EBPL: variants seen among roughly 807,000 people sequenced by gnomAD.
The protein encoded by EBPL is EBP like, also known as emopamil-binding protein-like.
Under a neutral mutation model 19.0 loss-of-function variants are expected in EBPL, and 20 were observed. The ratio of observed to expected loss-of-function variants is 1.05; its 90% CI spans 0.74 to 1.53. The LOEUF is 1.53. EBPL is among the 40% of genes most tolerant of loss of function. EBPL has a pLI of 0.00. For synonymous variants in EBPL, 107 were observed against 117.0 expected, an observed-to-expected ratio of 0.91 and a Z score of 0.55; for missense variants, 219 against 261.1, an observed-to-expected ratio of 0.84 and a Z score of 1.11.
intron 1 of EBPL, among the ~76,000 whole-genome samples, chr13:49,675,866 TTTG>T (rs1327574233): frequency 1.4e-5 from 2 of 142,480 alleles, no homozygotes; most frequent in Non-Finnish European, 3.1e-5. Context: ...GTTATTTTCC[TTTG>T]TTGTTATTGT....
At chr13:49,682,906 T>C (rs1953956901) in intron 1 of EBPL, among the ~76,000 whole-genome samples, 1 of 152,136 alleles carries the variant, frequency 6.6e-6, no homozygotes, top group Admixed American at 6.5e-5. Context: ...CCCAGGCTCC[T>C]TGGATGATGG....
At chr13:49,689,715 C>A (rs1050865518) in intron 1 of EBPL, among the ~76,000 whole-genome samples, 1 of 152,174 alleles carries the variant, frequency 6.6e-6, no homozygotes, top group African/African-American at 2.4e-5. Context: ...ATATGTTACA[C>A]AGTTTTCTCT....
At chr13:49,661,797 G>A in intron 3 of EBPL, 1 of 1,527,874 alleles carries the variant, frequency 6.5e-7, no homozygotes, top group Non-Finnish European at 8.8e-7. Context: ...AAAATTGGGT[G>A]GGGAAGGAAG....
At chr13:49,671,224 G>A (rs187874859) in intron 1 of EBPL, among the ~76,000 whole-genome samples, 23 of 152,278 alleles carry the variant, frequency 1.5e-4, no homozygotes, top group African/African-American at 5.3e-4. Context: ...TGCAACCTAC[G>A]CCTCCCGGGT....
chr13:49,681,953 A>G (rs1953947392), intron 1 of EBPL, among the ~76,000 whole-genome samples: 1 of 152,244 alleles, frequency 6.6e-6, no homozygotes, highest in African/African-American at 2.4e-5. Flanking sequence ...TAGCATTTGC[A>G]AATCTGACTC....
intron 1 of EBPL, among the ~76,000 whole-genome samples, chr13:49,687,233 T>C (rs565827154): frequency 1.3e-5 from 2 of 152,238 alleles, no homozygotes; most frequent in East Asian, 3.9e-4. Flanking sequence ...CCACCCCCAA[T>C]CTACAAGTGG....
chr13:49,686,360 CT>C, intron 1 of EBPL: 1 of 1,122,850 alleles, frequency 8.9e-7, no homozygotes, highest in Non-Finnish European at 1.1e-6. Flanking sequence ...TCCTGCAGGG[CT>C]TTCATCTACT....
chr13:49,677,099 C>T (rs1439896663), intron 1 of EBPL, among the ~76,000 whole-genome samples: 1 of 152,142 alleles, frequency 6.6e-6, no homozygotes, highest in Non-Finnish European at 1.5e-5. Flanking sequence ...CATCCTTTTC[C>T]GGGAAGGGGC....
intron 1 of EBPL, among the ~76,000 whole-genome samples, chr13:49,682,111 C>T (rs2137506693): frequency 6.6e-6 from 1 of 152,306 alleles, no homozygotes; most frequent in Admixed American, 6.5e-5. Flanking sequence ...TGCCCAGCTG[C>T]TGCCCGCTTA....
chr13:49,669,638 T>G, intron 2 of EBPL, 139 bp downstream of exon 2: 1 of 689,778 alleles, frequency 1.4e-6, no homozygotes, highest in South Asian at 2.0e-5. Context: ...ACCAGTAATC[T>G]ACAGTATCTC....
chr13:49,662,478 T>C (rs1352032016), intron 3 of EBPL, among the ~76,000 whole-genome samples: 4 of 152,240 alleles, frequency 2.6e-5, no homozygotes, highest in East Asian at 1.9e-4. Flanking sequence ...CTCCAAAGTA[T>C]TGGTGGCAAA....
chr13:49,679,908 T>A (rs938653926), intron 1 of EBPL, among the ~76,000 whole-genome samples: 1 of 152,206 alleles, frequency 6.6e-6, no homozygotes, highest in African/African-American at 2.4e-5. Flanking sequence ...AGTCAATATA[T>A]GTCTAGTGAA....
At chr13:49,664,037 A>G (rs1965189959) in intron 2 of EBPL, among the ~76,000 whole-genome samples, 1 of 152,242 alleles carries the variant, frequency 6.6e-6, no homozygotes, top group African/African-American at 2.4e-5. Context: ...GGATCACTTG[A>G]AGTCAGGAGT....
intron 2 of EBPL, chr13:49,668,236 C>A: frequency 5.9e-6 from 1 of 168,100 alleles, no homozygotes. Flanking sequence ...ACAGGAGTCC[C>A]CCACACAGAT....
At chr13:49,667,835 A>T (rs1199086785) in intron 2 of EBPL, among the ~76,000 whole-genome samples, 1 of 152,316 alleles carries the variant, frequency 6.6e-6, no homozygotes, top group East Asian at 1.9e-4. Flanking sequence ...TGATAGAGAA[A>T]GCCTGTGTTA....
intron 1 of EBPL, among the ~76,000 whole-genome samples, chr13:49,675,267 AAC>A (rs1953863824): frequency 6.6e-6 from 1 of 152,238 alleles, no homozygotes; most frequent in Non-Finnish European, 1.5e-5. Context: ...AGGAAATTAT[AAC>A]ACAATGGTAT....
At chr13:49,678,486 C>T (rs996056082) in intron 1 of EBPL, among the ~76,000 whole-genome samples, 2 of 152,196 alleles carry the variant, frequency 1.3e-5, no homozygotes, top group South Asian at 2.1e-4. Context: ...GGCGAGAATT[C>T]GAGCGCAGCG....
intron 1 of EBPL, among the ~76,000 whole-genome samples, chr13:49,677,318 A>G (rs1425121638): frequency 6.6e-6 from 1 of 152,170 alleles, no homozygotes; most frequent in African/African-American, 2.4e-5. Flanking sequence ...ATCCTGCTGC[A>G]TCCCACCCCA....
intron 2 of EBPL, chr13:49,668,466 C>G (rs747852430): frequency 4.2e-6 from 1 of 239,272 alleles, no homozygotes; most frequent in South Asian, 3.7e-5. Context: ...CCCAGCTACT[C>G]GGGAGGCTGA....
Sources: allele counts gnomAD v4.1 joint callset (sites outside exome capture counted in the v4.1 genomes callset), GRCh38; gene constraint gnomAD v4.1.1; transcripts MANE v1.5; gene names NCBI Gene and HGNC (gene_info 2026-07-23, HGNC 2026-07-21).